The following CLMP variants were observed in gnomAD, a reference collection of about 807,000 sequenced individuals.
The protein encoded by CLMP is CXADR-like membrane protein.
In CLMP, 27 loss-of-function variants were observed where a neutral mutation model predicts 45.2. That is an observed-to-expected ratio of 0.60 (90% CI 0.44 to 0.82). CLMP has a LOEUF of 0.82. Ranked by LOEUF, CLMP falls within the 40% of genes least tolerant of loss-of-function variation. The pLI is 0.00. For synonymous variants in CLMP, 167 were observed against 171.4 expected (o/e 0.97, Z 0.20); for missense variants, 403 against 448.4 (o/e 0.90, Z 0.91).
chr11:123,128,489 T>G (rs923077994), intron 1 of CLMP, among the ~76,000 whole-genome samples: 4 of 152,060 alleles, frequency 2.6e-5, no homozygotes, highest in Non-Finnish European at 4.4e-5. Context: ...TAGCGAGATC[T>G]TGCCTCTACC....
In CLMP at chr11:123,085,769, GTT is replaced by G. The variant is rs200240564; in HGVS notation, c.187-1058_187-1057del. On this transcript the variant is annotated intron_variant, in intron 2 of 6. Coordinates refer to ENST00000448775, the MANE Select transcript of CLMP (RefSeq NM_024769.5). ...TCACTAAGCCGAACTAATTTTTTAT[GTT>G]TTTTTTTTTTTGTTTTTTTTTTGAG... Among the ~76,000 whole-genome samples, 298 of 134,238 alleles carry G rather than the reference GTT, an allele frequency of 2.2e-3. 1 individual carries two copies. The highest frequency in any genetic ancestry group is 7.4e-3 in the African/African-American group (273 of 36,664). The allele number at this position is 134,238 out of a possible 152,430, so 88.1% of individuals were successfully genotyped here.
At chr11:123,132,595 A>C (rs12270481) in intron 1 of CLMP, among the ~76,000 whole-genome samples, 10,575 of 151,650 alleles carry the variant, frequency 0.07, 496 homozygotes, top group East Asian at 0.14. Context: ...AGTAGCTGGG[A>C]TTACAGGCGC....
chr11:123,141,013 C>T (rs1263440101), intron 1 of CLMP, among the ~76,000 whole-genome samples: 2 of 151,998 alleles, frequency 1.3e-5, no homozygotes, highest in Non-Finnish European at 2.9e-5. Context: ...CCTCTTTTGC[C>T]ATGTGATATA....
intron 1 of CLMP, among the ~76,000 whole-genome samples, chr11:123,167,176 A>G (rs1349840542): frequency 2.0e-5 from 3 of 152,206 alleles, no homozygotes; most frequent in Non-Finnish European, 4.4e-5. Context: ...TATCATTATT[A>G]TCGTCCTTTG....
chr11:123,126,108 C>T (rs1212645347), intron 1 of CLMP, among the ~76,000 whole-genome samples: 3 of 152,182 alleles, frequency 2.0e-5, no homozygotes, highest in African/African-American at 7.2e-5. Context: ...TATATTGCTT[C>T]GCCTGAATAG....
At chr11:123,159,672 C>G (rs1861458803) in intron 1 of CLMP, among the ~76,000 whole-genome samples, 1 of 152,102 alleles carries the variant, frequency 6.6e-6, no homozygotes, top group Non-Finnish European at 1.5e-5. Context: ...TGGCGGGAGG[C>G]CCAGGGGGCA....
At chr11:123,180,054 C>T (rs892978129) in intron 1 of CLMP, among the ~76,000 whole-genome samples, 3 of 152,184 alleles carry the variant, frequency 2.0e-5, no homozygotes, top group African/African-American at 7.2e-5. Context: ...GCTTGAATAA[C>T]ATTAACTTAT....
intron 1 of CLMP, among the ~76,000 whole-genome samples, chr11:123,150,841 C>T (rs538408580): frequency 9.3e-4 from 141 of 152,260 alleles, no homozygotes; most frequent in African/African-American, 3.3e-3. Flanking sequence ...CTCAGCCTCT[C>T]GAGTAGCTGG....
chr11:123,153,652 C>T (rs1034343121), intron 1 of CLMP, among the ~76,000 whole-genome samples: 5 of 152,032 alleles, frequency 3.3e-5, no homozygotes, highest in African/African-American at 7.2e-5. Context: ...ATTGCACGGC[C>T]GGAGGGATTC....
chr11:123,172,338 C>G (rs772359996), intron 1 of CLMP, among the ~76,000 whole-genome samples: 6 of 152,022 alleles, frequency 3.9e-5, no homozygotes, highest in Non-Finnish European at 8.8e-5. Flanking sequence ...GTCTCGATCT[C>G]CTGACCTTGT....
chr11:123,144,236 A>G (rs917199555), intron 1 of CLMP, among the ~76,000 whole-genome samples: 5 of 152,228 alleles, frequency 3.3e-5, no homozygotes, highest in Admixed American at 6.5e-5. Context: ...GTTACATAGT[A>G]ATAGATAATT....
chr11:123,119,399 T>C (rs1860781022), intron 1 of CLMP, among the ~76,000 whole-genome samples: 1 of 152,072 alleles, frequency 6.6e-6, no homozygotes, highest in East Asian at 1.9e-4. Context: ...TGCGTTTTCA[T>C]CAGAGCATCA....
chr11:123,073,334 T>C lies in CLMP; in HGVS notation c.*140A>G. The C allele has an allele frequency of 3.2e-6, 3 of 933,350 alleles. No individual in the cohort carries two copies. The highest frequency in any genetic ancestry group is 1.7e-5 in the African/African-American group (1 of 60,418). 57.8% of individuals were successfully genotyped at this position (933,350 alleles called of 1,614,324 possible). A position where few individuals can be genotyped will look rare whatever the true frequency, so the allele number is the denominator to read the frequency against. ...GTATTGTATAAGGAAAATGCTCATCTGAATCTGTTCCGTGCAATGCTCACT... is the reference window on the plus strand; with the variant it reads ...GTATTGTATAAGGAAAATGCTCATCCGAATCTGTTCCGTGCAATGCTCACT... On this transcript the variant is annotated 3_prime_UTR_variant, in exon 7 of 7. Transcript: ENST00000448775.
At chr11:123,077,982 T>G (rs1865759510) in intron 5 of CLMP, among the ~76,000 whole-genome samples, 1 of 152,014 alleles carries the variant, frequency 6.6e-6, no homozygotes. Flanking sequence ...TGTGCAGGCC[T>G]GTAATCCTAG....
At chr11:123,180,619 C>T (rs1411494891) in intron 1 of CLMP, among the ~76,000 whole-genome samples, 1 of 147,014 alleles carries the variant, frequency 6.8e-6, no homozygotes, top group Non-Finnish European at 1.5e-5. Context: ...AAAAAAAAGA[C>T]ACTGATAAGT....
At chr11:123,094,047 A>G (rs1220755965) in intron 2 of CLMP, among the ~76,000 whole-genome samples, 1 of 152,164 alleles carries the variant, frequency 6.6e-6, no homozygotes, top group East Asian at 1.9e-4. Flanking sequence ...CACATTATTT[A>G]TGAAGGTAAT....
chr11:123,141,914 C>T (rs1451732665), intron 1 of CLMP, among the ~76,000 whole-genome samples: 1 of 151,782 alleles, frequency 6.6e-6, no homozygotes, highest in African/African-American at 2.4e-5. Flanking sequence ...CCACTGTGGC[C>T]CCAGCAGATG....
intron 1 of CLMP, among the ~76,000 whole-genome samples, chr11:123,194,586 A>C (rs1861953399): frequency 6.6e-6 from 1 of 152,158 alleles, no homozygotes; most frequent in African/African-American, 2.4e-5. Flanking sequence ...GGAACCTGGC[A>C]CAAAAATTCC....
At chr11:123,123,572 A>T (rs1351184809) in intron 1 of CLMP, among the ~76,000 whole-genome samples, 1 of 151,966 alleles carries the variant, frequency 6.6e-6, no homozygotes, top group Non-Finnish European at 1.5e-5. Flanking sequence ...GTTTTTGTAC[A>T]TGAGAAATTG....
Sources: gnomAD v4.1 joint callset for allele counts (sites outside exome capture counted in the v4.1 genomes callset) on GRCh38, gnomAD v4.1.1 for gene constraint, MANE v1.5 for transcripts, NCBI Gene and HGNC (gene_info 2026-07-23, HGNC 2026-07-21) for gene names.